CTNND2: variants seen among roughly 807,000 people sequenced by gnomAD.
The protein encoded by CTNND2 is catenin delta 2.
A neutral mutation model predicts 144.4 loss-of-function variants in CTNND2; 22 were observed. That is an observed-to-expected ratio of 0.15 (90% CI 0.11 to 0.22). The LOEUF (loss-of-function observed/expected upper bound fraction) is 0.22. Among genes scored for constraint, CTNND2 ranks in the 10% least tolerant of loss-of-function variants. The probability of loss-of-function intolerance (pLI) is 1.00; values close to 1 mark genes in which losing one functional copy is unlikely to be tolerated. For missense variants in CTNND2, 1,353 were observed against 1,618.8 expected, an observed-to-expected ratio of 0.84 and a Z score of 2.82; for synonymous variants, 751 against 695.6, an observed-to-expected ratio of 1.08 and a Z score of -1.25.
At chr5:11,798,527 G>T (rs887417124) in intron 1 of CTNND2, among the ~76,000 whole-genome samples, 6 of 152,214 alleles carry the variant, frequency 3.9e-5, no homozygotes, top group Non-Finnish European at 8.8e-5. Context: ...CCAGAACTCT[G>T]GGAGGCCAAG....
chr5:11,865,149 C>T lies in CTNND2; in HGVS notation c.37+38668G>A, dbSNP rs1042724368. Among the ~76,000 whole-genome samples, 7 of 152,272 alleles carry T rather than the reference C, an allele frequency of 4.6e-5. No homozygotes were observed. In the South Asian group the frequency reaches 1.2e-3, roughly 27 times the overall value. On this transcript the variant is annotated intron_variant, in intron 1 of 21. Transcript: ENST00000304623. ...ACCTCAGGTGATCCGCGTGCCTCGG[C>T]CTCCCAAAGTGTTGGGATTACAGGC...
chr5:11,077,414 T>C (rs1749062470), intron 16 of CTNND2, among the ~76,000 whole-genome samples: 1 of 152,098 alleles, frequency 6.6e-6, no homozygotes, highest in African/African-American at 2.4e-5. Flanking sequence ...CTGAGCTGCA[T>C]GAATGCCAAG....
At chr5:11,525,740 C>G (rs1336993168) in intron 3 of CTNND2, among the ~76,000 whole-genome samples, 1 of 152,178 alleles carries the variant, frequency 6.6e-6, no homozygotes, top group Non-Finnish European at 1.5e-5. Context: ...CACGCCTACA[C>G]AGTCCCAGTG....
intron 1 of CTNND2, among the ~76,000 whole-genome samples, chr5:11,839,247 C>T (rs1387830976): frequency 6.6e-6 from 1 of 151,940 alleles, no homozygotes; most frequent in Non-Finnish European, 1.5e-5. Flanking sequence ...AGAACTGAAG[C>T]ATATTCCATC....
chr5:11,316,985 A>C (rs980198603), intron 9 of CTNND2, among the ~76,000 whole-genome samples: 2 of 152,204 alleles, frequency 1.3e-5, no homozygotes, highest in African/African-American at 4.8e-5. Flanking sequence ...AAAAACAAAC[A>C]ACCCCATCAA....
intron 2 of CTNND2, among the ~76,000 whole-genome samples, chr5:11,641,875 C>T (rs964490785): frequency 1.3e-5 from 2 of 151,248 alleles, no homozygotes; most frequent in African/African-American, 4.9e-5. Context: ...TTTTGCCACA[C>T]TCACAAGGTT....
At chr5:11,452,426 A>C (rs987809238) in intron 3 of CTNND2, among the ~76,000 whole-genome samples, 1 of 152,334 alleles carries the variant, frequency 6.6e-6, no homozygotes, top group South Asian at 2.1e-4. Flanking sequence ...ATTTTTAAAA[A>C]TGTGACTGGA....
At chr5:10,983,047 T>C (rs1398658692) in intron 20 of CTNND2, among the ~76,000 whole-genome samples, 1 of 152,058 alleles carries the variant, frequency 6.6e-6, no homozygotes, top group African/African-American at 2.4e-5. Flanking sequence ...GGTTAATGGG[T>C]AGAAAAATAC....
At chr5:11,051,283 T>G (rs1192933836) in intron 16 of CTNND2, among the ~76,000 whole-genome samples, 2 of 152,136 alleles carry the variant, frequency 1.3e-5, no homozygotes, top group South Asian at 2.1e-4. Flanking sequence ...TTAACCAAAA[T>G]AGAAGAGAAT....
At chr5:11,667,004 G>A (rs1783602635) in intron 2 of CTNND2, among the ~76,000 whole-genome samples, 1 of 151,936 alleles carries the variant, frequency 6.6e-6, no homozygotes, top group Non-Finnish European at 1.5e-5. Flanking sequence ...ACTTAGGAGT[G>A]AGAACATGCA....
At chr5:11,081,416 CTTATCCAAAAATGCT>C (rs1749559248) in intron 16 of CTNND2, among the ~76,000 whole-genome samples, 1 of 152,158 alleles carries the variant, frequency 6.6e-6, no homozygotes, top group African/African-American at 2.4e-5. Context: ...TTGAGAACCC[CTTATCCAAAAATGCT>C]TAGGACCAGA....
chr5:11,131,767 C>G (rs983988067), intron 12 of CTNND2, among the ~76,000 whole-genome samples: 17 of 151,770 alleles, frequency 1.1e-4, no homozygotes, highest in Non-Finnish European at 1.0e-4. Context: ...CCAGCCTGGG[C>G]GATAGAGCGA....
intron 10 of CTNND2, among the ~76,000 whole-genome samples, chr5:11,222,603 C>T (rs1739910824): frequency 6.6e-6 from 1 of 152,072 alleles, no homozygotes; most frequent in Non-Finnish European, 1.5e-5. Context: ...TCTGGGAGTT[C>T]AAGATCATCC....
intron 10 of CTNND2, among the ~76,000 whole-genome samples, chr5:11,219,513 C>T (rs952300592): frequency 6.6e-6 from 1 of 152,166 alleles, no homozygotes; most frequent in East Asian, 1.9e-4. Context: ...ATGTCCAGGC[C>T]TTAATCCCTG....
intron 1 of CTNND2, among the ~76,000 whole-genome samples, chr5:11,796,759 A>C (rs6887078): frequency 0.81 from 123,918 of 152,090 alleles, 54,873 homozygotes; most frequent in Non-Finnish European, 0.98. Flanking sequence ...CTATATAAAA[A>C]CTAAACCTCA....
At chr5:11,155,800 T>C (rs1202566836) in intron 12 of CTNND2, among the ~76,000 whole-genome samples, 1 of 152,198 alleles carries the variant, frequency 6.6e-6, no homozygotes, top group African/African-American at 2.4e-5. Flanking sequence ...TTTTAAAAAT[T>C]CAATTTCTTG....
chr5:11,393,705 G>A (rs1289899850), intron 6 of CTNND2, among the ~76,000 whole-genome samples: 1 of 152,112 alleles, frequency 6.6e-6, no homozygotes, highest in Non-Finnish European at 1.5e-5. Flanking sequence ...CAATTATGAG[G>A]GATATGAAGG....
intron 1 of CTNND2, among the ~76,000 whole-genome samples, chr5:11,764,436 C>G (rs1329992560): frequency 6.6e-6 from 1 of 152,072 alleles, no homozygotes; most frequent in Admixed American, 6.6e-5. Flanking sequence ...GTGGGCTCCT[C>G]TTGGGATCAA....
intron 1 of CTNND2, among the ~76,000 whole-genome samples, chr5:11,758,502 C>T (rs1429030605): frequency 6.6e-6 from 1 of 151,986 alleles, no homozygotes; most frequent in Admixed American, 6.6e-5. Context: ...CTTTCCCCAT[C>T]CACTCAGGCC....
Sources: allele counts gnomAD v4.1 joint callset (sites outside exome capture counted in the v4.1 genomes callset), GRCh38; gene constraint gnomAD v4.1.1; transcripts MANE v1.5; gene names NCBI Gene and HGNC (gene_info 2026-07-23, HGNC 2026-07-21).